The following MGMT variants were observed in gnomAD, a reference collection of about 807,000 sequenced individuals.
MGMT encodes O-6-methylguanine-DNA methyltransferase.
In MGMT, 14 loss-of-function variants were observed where a neutral mutation model predicts 15.9. The observed-to-expected ratio is 0.88, with a 90% confidence interval of 0.58 to 1.37. The LOEUF (loss-of-function observed/expected upper bound fraction) is 1.37, where lower values mean the gene tolerates loss of function less well. MGMT is among the 40% of genes most tolerant of loss of function. The pLI is 0.00. For synonymous variants in MGMT, 130 were observed against 118.2 expected, an observed-to-expected ratio of 1.10 and a Z score of -0.65; for missense variants, 282 against 268.1, an observed-to-expected ratio of 1.05 and a Z score of -0.36.
chr10:129,748,985 A>G (rs1487691011), intron 3 of MGMT, among the ~76,000 whole-genome samples: 1 of 152,180 alleles, frequency 6.6e-6, no homozygotes, highest in Non-Finnish European at 1.5e-5. Context: ...CTTTAGTCTT[A>G]CAGACTCCAC....
intron 2 of MGMT, among the ~76,000 whole-genome samples, chr10:129,554,356 T>C (rs904293603): frequency 7.9e-5 from 12 of 152,362 alleles, no homozygotes; most frequent in African/African-American, 2.6e-4. Context: ...CATCGACATA[T>C]TTAAAATCAG....
intron 3 of MGMT, among the ~76,000 whole-genome samples, chr10:129,728,310 G>A (rs1427496016): frequency 2.6e-5 from 4 of 152,190 alleles, no homozygotes; most frequent in East Asian, 1.9e-4. Context: ...GGACGTGAGC[G>A]ATGAACCCAT....
At position 129,471,127 on chromosome 10, in the gene MGMT, A is replaced by G. The variant is rs931746264; in HGVS notation, c.-13+3831A>G. ...TGGCTTGTGAAAGGAGGTACTTGTT[A>G]AATCTATGTGTTTTTATTATAGACA... On this transcript the variant is annotated intron_variant, in intron 1 of 4. Coordinates refer to ENST00000651593, the MANE Select transcript of MGMT (RefSeq NM_002412.5). 3.9e-5 allele frequency among the ~76,000 whole-genome samples: 6 copies of G among 152,202 alleles called. No homozygotes were observed. The East Asian group carries it at 1.2e-3, about 29-fold the overall frequency.
chr10:129,763,811 T>C (rs577323348), intron 4 of MGMT, among the ~76,000 whole-genome samples: 3 of 152,378 alleles, frequency 2.0e-5, no homozygotes, highest in Middle Eastern at 3.4e-3. Context: ...GGAGATTTCC[T>C]GTGACTCCTT....
chr10:129,646,754 A>ATATATATATATATTTTTTTTTTT, intron 2 of MGMT, among the ~76,000 whole-genome samples: 5 of 86,670 alleles, frequency 5.8e-5, no homozygotes, highest in South Asian at 3.4e-4. Flanking sequence ...ATATATATAT[A>ATATATATATATATTTTTTTTTTT]TTTTCAGGGA....
intron 2 of MGMT, among the ~76,000 whole-genome samples, chr10:129,640,461 CATA>C (rs1847315562): frequency 6.6e-6 from 1 of 152,176 alleles, no homozygotes; most frequent in South Asian, 2.1e-4. Flanking sequence ...TTAAATCTAT[CATA>C]ATAATTGAAT....
At chr10:129,610,341 TA>T (rs904947100) in intron 2 of MGMT, among the ~76,000 whole-genome samples, 16 of 152,220 alleles carry the variant, frequency 1.1e-4, no homozygotes, top group African/African-American at 3.4e-4. Context: ...CCTTTCTCTC[TA>T]AACTCCTCTC....
intron 2 of MGMT, among the ~76,000 whole-genome samples, chr10:129,595,497 A>G (rs1051762881): frequency 6.6e-6 from 1 of 152,178 alleles, no homozygotes; most frequent in African/African-American, 2.4e-5. Flanking sequence ...TGCCACAGAC[A>G]TACTCTTAAC....
At chr10:129,552,876 C>G (rs1217379484) in intron 2 of MGMT, among the ~76,000 whole-genome samples, 3 of 152,148 alleles carry the variant, frequency 2.0e-5, no homozygotes, top group Admixed American at 2.0e-4. Flanking sequence ...CGTTTTTTTC[C>G]TGGCTTTTTC....
At chr10:129,621,732 T>C (rs1181680447) in intron 2 of MGMT, among the ~76,000 whole-genome samples, 1 of 152,218 alleles carries the variant, frequency 6.6e-6, no homozygotes, top group African/African-American at 2.4e-5. Flanking sequence ...ACTTTGATTG[T>C]TTGTTGAACA....
chr10:129,688,038 T>A (rs1223577632), intron 2 of MGMT, among the ~76,000 whole-genome samples: 3 of 152,240 alleles, frequency 2.0e-5, no homozygotes, highest in Non-Finnish European at 4.4e-5. Flanking sequence ...CATCATTTTT[T>A]ATGGCTGCAT....
chr10:129,584,402 T>C (rs764685009), intron 2 of MGMT, among the ~76,000 whole-genome samples: 3 of 151,784 alleles, frequency 2.0e-5, no homozygotes, highest in Non-Finnish European at 4.4e-5. Flanking sequence ...AAAAAGCATG[T>C]ATGGCTGCTG....
intron 2 of MGMT, among the ~76,000 whole-genome samples, chr10:129,602,095 A>G (rs1463498181): frequency 6.6e-6 from 1 of 152,190 alleles, no homozygotes; most frequent in Non-Finnish European, 1.5e-5. Flanking sequence ...CAGTTTATGG[A>G]ACTAGTTTTC....
At chr10:129,597,260 T>A (rs1002443449) in intron 2 of MGMT, among the ~76,000 whole-genome samples, 1 of 152,150 alleles carries the variant, frequency 6.6e-6, no homozygotes, top group African/African-American at 2.4e-5. Context: ...GGCATTCTGG[T>A]TAAAAGTTCA....
chr10:129,683,406 A>G (rs759453820), intron 2 of MGMT, among the ~76,000 whole-genome samples: 8 of 152,196 alleles, frequency 5.3e-5, no homozygotes, highest in Non-Finnish European at 1.0e-4. Context: ...GATTAGCCTC[A>G]TTACCTAGTA....
intron 2 of MGMT, among the ~76,000 whole-genome samples, chr10:129,621,360 T>C (rs1847088486): frequency 6.6e-6 from 1 of 152,224 alleles, no homozygotes; most frequent in Non-Finnish European, 1.5e-5. Context: ...AAATACATGG[T>C]TGTGACTTTT....
intron 2 of MGMT, among the ~76,000 whole-genome samples, chr10:129,705,348 T>C (rs1456546629): frequency 6.6e-6 from 1 of 152,254 alleles, no homozygotes; most frequent in Non-Finnish European, 1.5e-5. Context: ...TCTGAATGGA[T>C]GTGCCAGGGT....
chr10:129,560,381 G>A (rs190542121), intron 2 of MGMT, among the ~76,000 whole-genome samples: 126 of 152,268 alleles, frequency 8.3e-4, no homozygotes, highest in African/African-American at 2.4e-3. Context: ...GGAAATCTGT[G>A]GTAGACACAG....
At chr10:129,707,765 C>G in intron 2 of MGMT, 130 bp from the exon 3 acceptor site, 2 of 1,234,484 alleles carry the variant, frequency 1.6e-6, no homozygotes, top group South Asian at 2.6e-5. Context: ...TGCTGCACAG[C>G]TAGTTGAGAC....
Sources: allele counts gnomAD v4.1 joint callset (sites outside exome capture counted in the v4.1 genomes callset), GRCh38; gene constraint gnomAD v4.1.1; transcripts MANE v1.5; gene names NCBI Gene and HGNC (gene_info 2026-07-23, HGNC 2026-07-21).